NCOA1: variants seen among roughly 807,000 people sequenced by gnomAD.
NCOA1 encodes nuclear receptor coactivator 1.
NCOA1 carries 35 observed loss-of-function variants against 150.9 expected under a neutral mutation model. The ratio of observed to expected loss-of-function variants is 0.23; its 90% CI spans 0.18 to 0.31. The LOEUF is 0.31. Ranked by LOEUF, NCOA1 falls within the 10% of genes least tolerant of loss-of-function variation. The pLI is 1.00. For synonymous variants in NCOA1, 590 were observed against 630.0 expected (o/e 0.94, Z 0.95); for missense variants, 1,491 against 1,749.3 (o/e 0.85, Z 2.63).
chr2:24,576,198 T>C (rs1417436937), intron 2 of NCOA1, among the ~76,000 whole-genome samples: 8 of 123,488 alleles, frequency 6.5e-5, no homozygotes, highest in Non-Finnish European at 1.4e-4. Flanking sequence ...TTTTGTTTGC[T>C]AGTCCTTTCT....
At chr2:24,626,470 T>G (rs770658633) in intron 3 of NCOA1, among the ~76,000 whole-genome samples, 13 of 152,186 alleles carry the variant, frequency 8.5e-5, no homozygotes, top group Non-Finnish European at 1.6e-4. Context: ...GCAGGAGATT[T>G]CAATGGATTG....
intron 4 of NCOA1, among the ~76,000 whole-genome samples, chr2:24,648,407 G>A (rs1156619452): frequency 6.6e-6 from 1 of 151,968 alleles, no homozygotes; most frequent in Non-Finnish European, 1.5e-5. Context: ...CAAGTAGCTG[G>A]GATTACAGGC....
intron 9 of NCOA1, 89 bp from the exon 10 acceptor site, chr2:24,693,163 T>A (rs1672748524): frequency 7.7e-7 from 1 of 1,305,602 alleles, no homozygotes; most frequent in African/African-American, 1.5e-5. Flanking sequence ...CAACATGTAT[T>A]GTTTTTATGA....
In NCOA1 at chr2:24,766,789, G is replaced by A. The variant is rs143137414; in HGVS notation, c.4156-1432G>A. The stretch of plus-strand genomic sequence containing the variant: ...TAGAAGGAAAGAGTCAGAATGAGAC[G>A]TTACAGACCACAAAGGCGGGGCAAG... On this transcript the variant is annotated intron_variant, in intron 22 of 22. Transcript: ENST00000348332. Among the ~76,000 whole-genome samples, 606 of 152,176 alleles carry A rather than the reference G, an allele frequency of 4.0e-3. 1 individual carries two copies. Among genetic ancestry groups the A allele is most frequent in the Admixed American group, 7.6e-3 (116 of 15,270 alleles).
Position 24,708,857 on chromosome 2 carries a change from G to A in NCOA1, c.2418+969G>A, listed in dbSNP as rs1673592438. ...GAAGTCCTTGTCATTCCTAGAATAA[G>A]CCATGTCTCTTCTAAACATATTCTG... On this transcript the variant is annotated intron_variant, in intron 13 of 22. Coordinates refer to ENST00000348332, the MANE Select transcript of NCOA1 (RefSeq NM_003743.5). 2.0e-5 allele frequency among the ~76,000 whole-genome samples: 3 copies of A among 152,294 alleles called. No homozygotes were observed. In the South Asian group the frequency reaches 6.2e-4, roughly 32 times the overall value.
intron 3 of NCOA1, among the ~76,000 whole-genome samples, chr2:24,639,937 TA>T (rs1670122167): frequency 1.1e-4 from 3 of 26,522 alleles, no homozygotes; most frequent in East Asian, 1.9e-3. Flanking sequence ...TATATATATA[TA>T]TATATATATA....
At chr2:24,539,307 A>T (rs1665293949) in intron 1 of NCOA1, among the ~76,000 whole-genome samples, 1 of 152,290 alleles carries the variant, frequency 6.6e-6, no homozygotes, top group South Asian at 2.1e-4. Context: ...CTATAATAAA[A>T]AGAGTCAGGG....
intron 3 of NCOA1, among the ~76,000 whole-genome samples, chr2:24,628,198 G>T (rs1185544952): frequency 6.6e-6 from 1 of 151,934 alleles, no homozygotes; most frequent in African/African-American, 2.4e-5. Context: ...TACTTGGGAC[G>T]CTGAGGCAGG....
intron 19 of NCOA1, among the ~76,000 whole-genome samples, chr2:24,744,274 T>C (rs1572672824): frequency 6.6e-6 from 1 of 152,212 alleles, no homozygotes; most frequent in East Asian, 1.9e-4. Flanking sequence ...ATTTGCTTTT[T>C]ATAAAGTCAG....
chr2:24,548,675 A>C (rs1665702884), intron 1 of NCOA1, among the ~76,000 whole-genome samples: 2 of 152,194 alleles, frequency 1.3e-5, no homozygotes, highest in Admixed American at 6.5e-5. Flanking sequence ...AAATGGGAGA[A>C]ATTGGCCAAA....
chr2:24,712,816 C>T (rs190812923), intron 14 of NCOA1, among the ~76,000 whole-genome samples: 10 of 150,990 alleles, frequency 6.6e-5, no homozygotes, highest in Admixed American at 2.0e-4. Context: ...TAAGATGATA[C>T]AGCTGAGAAA....
At position 24,681,880 on chromosome 2, in the gene NCOA1, A is replaced by G. The variant is rs1290980717; in HGVS notation, c.355-1071A>G. On this transcript the variant is annotated intron_variant, in intron 7 of 22. Transcript: ENST00000348332. The stretch of plus-strand genomic sequence containing the variant: ...CAGGCGTCCGCTACCACACTTGGCT[A>G]ATTTTTTGTATTTTTAGTAGAGACG... Among the ~76,000 whole-genome samples, 5 of 152,010 alleles carry G rather than the reference A, an allele frequency of 3.3e-5. No homozygotes were observed. The East Asian group carries it at 9.7e-4, about 29-fold the overall frequency.
intron 3 of NCOA1, among the ~76,000 whole-genome samples, chr2:24,601,139 G>C (rs1470387277): frequency 6.6e-6 from 1 of 151,914 alleles, no homozygotes; most frequent in East Asian, 1.9e-4. Context: ...TCATTTATAA[G>C]AGTTAATGAG....
chr2:24,654,087 C>T (rs1300723930), intron 4 of NCOA1, among the ~76,000 whole-genome samples: 1 of 152,122 alleles, frequency 6.6e-6, no homozygotes, highest in Non-Finnish European at 1.5e-5. Context: ...TTCTGTGAAT[C>T]TCTGCAGGAA....
chr2:24,620,903 G>C lies in NCOA1; in HGVS notation c.-174-23063G>C, dbSNP rs1572501877. Among the ~76,000 whole-genome samples, 5 of 152,222 alleles carry C rather than the reference G, an allele frequency of 3.3e-5. No homozygotes were observed. The South Asian group carries it at 1.0e-3, about 32-fold the overall frequency. ...TTTCTATGCTACTTAAGTAAGAATT[G>C]CATATGTGTGACAAAATTTAAGCTA... is the stretch of plus-strand genomic sequence containing the variant. On this transcript the variant is annotated intron_variant, in intron 3 of 22. Coordinates refer to ENST00000348332, the MANE Select transcript of NCOA1 (RefSeq NM_003743.5).
intron 1 of NCOA1, among the ~76,000 whole-genome samples, chr2:24,534,076 C>CT (rs1340985478): frequency 7.6e-6 from 1 of 131,630 alleles, no homozygotes; most frequent in African/African-American, 2.6e-5. Flanking sequence ...TGGTCCTGGA[C>CT]TTTTTTTTGG....
At chr2:24,705,058 A>T in intron 11 of NCOA1, 28 bp from the exon 12 acceptor site, 1 of 1,600,984 alleles carries the variant, frequency 6.2e-7, no homozygotes, top group Non-Finnish European at 8.5e-7. Context: ...TCAGAATTTT[A>T]ACTAGGTTTC....
At chr2:24,632,359 A>T (rs928342168) in intron 3 of NCOA1, among the ~76,000 whole-genome samples, 4 of 152,192 alleles carry the variant, frequency 2.6e-5, no homozygotes, top group Admixed American at 1.3e-4. Flanking sequence ...AACTAAAATG[A>T]GGAAGATGGT....
intron 1 of NCOA1, among the ~76,000 whole-genome samples, chr2:24,559,646 C>T (rs1024194567): frequency 1.3e-5 from 2 of 151,666 alleles, no homozygotes; most frequent in Non-Finnish European, 3.0e-5. Flanking sequence ...TGTGGCCTGC[C>T]CTTTCTTCCA....
Sources: gnomAD v4.1 joint callset for allele counts (sites outside exome capture counted in the v4.1 genomes callset) on GRCh38, gnomAD v4.1.1 for gene constraint, MANE v1.5 for transcripts, NCBI Gene and HGNC (gene_info 2026-07-23, HGNC 2026-07-21) for gene names.